The following SLC9A9 variants were observed in gnomAD, a reference collection of about 807,000 sequenced individuals.
SLC9A9 encodes the protein solute carrier family 9 member A9.
In SLC9A9, 62 loss-of-function variants were observed where a neutral mutation model predicts 77.8. That is an observed-to-expected ratio of 0.80 (90% CI 0.65 to 0.98). The LOEUF is 0.98. Among genes scored for constraint, SLC9A9 ranks in the 50% least tolerant of loss-of-function variants. The pLI, the probability that SLC9A9 is intolerant of heterozygous loss-of-function variation, is 0.00. For synonymous variants in SLC9A9, 320 were observed against 283.5 expected (o/e 1.13, Z -1.29); for missense variants, 775 against 774.9 (o/e 1.00, Z 0.00).
chr3:143,299,438 G>GA (rs1468961430), intron 14 of SLC9A9, among the ~76,000 whole-genome samples: 1 of 151,898 alleles, frequency 6.6e-6, no homozygotes, highest in African/African-American at 2.4e-5. Flanking sequence ...TTGTTGGGGG[G>GA]ACCTACACAT....
intron 14 of SLC9A9, among the ~76,000 whole-genome samples, chr3:143,326,640 C>T (rs1451386641): frequency 1.7e-4 from 26 of 152,168 alleles, no homozygotes; most frequent in Admixed American, 1.7e-3. Flanking sequence ...AAAGCCCTTC[C>T]CCAACTACCT....
intron 14 of SLC9A9, among the ~76,000 whole-genome samples, chr3:143,341,805 TTCCCTGTAGTGTTTACTCACA>T (rs1364296803): frequency 6.6e-6 from 1 of 152,236 alleles, no homozygotes; most frequent in Non-Finnish European, 1.5e-5. Flanking sequence ...TTATCATATT[TTCCCTGTAGTGTTTACTCACA>T]TGGACGGGGA....
intron 14 of SLC9A9, among the ~76,000 whole-genome samples, chr3:143,309,469 G>A (rs144819746): frequency 6.7e-5 from 10 of 148,514 alleles, no homozygotes; most frequent in Admixed American, 6.0e-4. Context: ...TTTTTTCCAA[G>A]TATGTCTCCA....
At chr3:143,534,675 G>C (rs780342216) in intron 9 of SLC9A9, among the ~76,000 whole-genome samples, 1 of 152,184 alleles carries the variant, frequency 6.6e-6, no homozygotes, top group Non-Finnish European at 1.5e-5. Flanking sequence ...CGCCCCATGT[G>C]CTGACCAACA....
intron 4 of SLC9A9, among the ~76,000 whole-genome samples, chr3:143,698,846 A>G (rs1006113912): frequency 1.3e-5 from 2 of 152,204 alleles, no homozygotes; most frequent in Non-Finnish European, 2.9e-5. Context: ...CAGAAAAGCC[A>G]CGTCCCTGAC....
At chr3:143,324,483 G>A (rs2031517685) in intron 14 of SLC9A9, among the ~76,000 whole-genome samples, 1 of 152,154 alleles carries the variant, frequency 6.6e-6, no homozygotes. Context: ...ATAGTAAATG[G>A]AAAGCACTCG....
At chr3:143,503,620 C>A (rs2035961609) in intron 9 of SLC9A9, 2 of 449,794 alleles carry the variant, frequency 4.4e-6, no homozygotes, top group South Asian at 3.2e-5. Flanking sequence ...CAGGGATGAC[C>A]TTGCCCATGC....
chr3:143,616,505 T>C (rs1302744940), intron 6 of SLC9A9, among the ~76,000 whole-genome samples: 3 of 152,150 alleles, frequency 2.0e-5, no homozygotes, highest in Non-Finnish European at 4.4e-5. Context: ...CACTGGATTA[T>C]GGCATTAAAA....
At chr3:143,490,310 C>CT (rs1205509746) in intron 11 of SLC9A9, among the ~76,000 whole-genome samples, 2 of 152,104 alleles carry the variant, frequency 1.3e-5, no homozygotes, top group African/African-American at 4.8e-5. Flanking sequence ...AAAATGTGAT[C>CT]TATACATGCA....
intron 14 of SLC9A9, among the ~76,000 whole-genome samples, chr3:143,353,397 T>C (rs1461269593): frequency 6.6e-6 from 1 of 152,188 alleles, no homozygotes; most frequent in African/African-American, 2.4e-5. Context: ...TTAGTGCCCT[T>C]ATCAAAGAGG....
chr3:143,511,697 G>A lies in SLC9A9; in HGVS notation c.1090-16249C>T, dbSNP rs575179335. 2.0e-5 allele frequency among the ~76,000 whole-genome samples: 3 copies of A among 152,318 alleles called. No individual in the cohort carries two copies. In the South Asian group the frequency reaches 6.2e-4, roughly 32 times the overall value. On this transcript the variant is annotated intron_variant, in intron 9 of 15. Coordinates refer to ENST00000316549, the MANE Select transcript of SLC9A9 (RefSeq NM_173653.4). ...CAGGCATAACTGGGGGTATGACGTAGTCTGTGGCCTAAGCCCTCAGCCTCT... is the reference window on the plus strand; with the variant it reads ...CAGGCATAACTGGGGGTATGACGTAATCTGTGGCCTAAGCCCTCAGCCTCT...
chr3:143,591,344 A>G (rs1202234224), intron 6 of SLC9A9, among the ~76,000 whole-genome samples: 1 of 152,258 alleles, frequency 6.6e-6, no homozygotes, highest in Admixed American at 6.5e-5. Context: ...TCACAAAGGT[A>G]GTTGCCTCAT....
At chr3:143,516,996 T>G in intron 9 of SLC9A9, 1 of 664,908 alleles carries the variant, frequency 1.5e-6, no homozygotes, top group Non-Finnish European at 2.6e-6. Flanking sequence ...AGTCCCTGAT[T>G]AATAGTGAGT....
At chr3:143,331,968 G>T (rs951633709) in intron 14 of SLC9A9, among the ~76,000 whole-genome samples, 6 of 152,144 alleles carry the variant, frequency 3.9e-5, no homozygotes, top group African/African-American at 1.4e-4. Context: ...TTATTGAGAG[G>T]AAAGAAGGAC....
chr3:143,750,846 A>G (rs919010788), intron 4 of SLC9A9, among the ~76,000 whole-genome samples: 1 of 151,892 alleles, frequency 6.6e-6, no homozygotes, highest in African/African-American at 2.4e-5. Flanking sequence ...AAAAAATTTT[A>G]AAGAATTTCG....
intron 12 of SLC9A9, among the ~76,000 whole-genome samples, chr3:143,432,265 C>T (rs993704374): frequency 2.0e-5 from 3 of 152,056 alleles, no homozygotes; most frequent in Non-Finnish European, 2.9e-5. Context: ...GACTACACAC[C>T]GGGTAATTAC....
At chr3:143,340,229 C>G (rs1056245065) in intron 14 of SLC9A9, among the ~76,000 whole-genome samples, 1 of 152,036 alleles carries the variant, frequency 6.6e-6, no homozygotes, top group Non-Finnish European at 1.5e-5. Context: ...CCTCACCAGA[C>G]CACAGAAGTT....
At chr3:143,691,244 T>A (rs1287222547) in intron 5 of SLC9A9, among the ~76,000 whole-genome samples, 1 of 151,836 alleles carries the variant, frequency 6.6e-6, no homozygotes, top group Non-Finnish European at 1.5e-5. Flanking sequence ...ATTTTTAAAT[T>A]TTTTTTTGAG....
At chr3:143,791,071 A>C (rs1372575936) in intron 4 of SLC9A9, among the ~76,000 whole-genome samples, 2 of 152,200 alleles carry the variant, frequency 1.3e-5, no homozygotes, top group African/African-American at 4.8e-5. Flanking sequence ...ATAGTTCCCC[A>C]AGATGGAGGA....
Sources: allele counts gnomAD v4.1 joint callset (sites outside exome capture counted in the v4.1 genomes callset), GRCh38; gene constraint gnomAD v4.1.1; transcripts MANE v1.5; gene names NCBI Gene and HGNC (gene_info 2026-07-23, HGNC 2026-07-21).